GRIP1: variants seen among roughly 807,000 people sequenced by gnomAD.
GRIP1 encodes glutamate receptor-interacting protein 1.
GRIP1 carries 45 observed loss-of-function variants against 129.9 expected under a neutral mutation model. The ratio of observed to expected loss-of-function variants is 0.35; its 90% CI spans 0.27 to 0.44. The LOEUF (loss-of-function observed/expected upper bound fraction) is 0.44. GRIP1 is among the 20% of genes least tolerant of loss of function. The pLI is 1.00. For synonymous variants in GRIP1, 530 were observed against 520.8 expected (o/e 1.02, Z -0.24); for missense variants, 1,196 against 1,396.8 (o/e 0.86, Z 2.29).
intron 1 of GRIP1, among the ~76,000 whole-genome samples, chr12:66,700,929 G>T (rs1357488315): frequency 6.6e-6 from 1 of 152,094 alleles, no homozygotes; most frequent in Admixed American, 6.6e-5. Context: ...CTATGGGTCA[G>T]CCACTATGCT....
At chr12:66,467,653 C>T (rs2059324226) in intron 7 of GRIP1, among the ~76,000 whole-genome samples, 1 of 152,124 alleles carries the variant, frequency 6.6e-6, no homozygotes, top group Admixed American at 6.5e-5. Context: ...GTGGCTGAGC[C>T]CAGTGCACAC....
chr12:66,863,427 A>G (rs1334793536), intron 1 of GRIP1, among the ~76,000 whole-genome samples: 1 of 152,196 alleles, frequency 6.6e-6, no homozygotes, highest in Non-Finnish European at 1.5e-5. Context: ...AAGATAAAGC[A>G]AGGTAAGAAG....
intron 1 of GRIP1, among the ~76,000 whole-genome samples, chr12:67,028,018 C>G (rs1012001464): frequency 6.6e-6 from 1 of 152,196 alleles, no homozygotes; most frequent in African/African-American, 2.4e-5. Context: ...CATACATACT[C>G]ACCAGCTGAC....
chr12:66,922,961 G>GA (rs1441537528), intron 1 of GRIP1, among the ~76,000 whole-genome samples: 4 of 152,032 alleles, frequency 2.6e-5, no homozygotes, highest in African/African-American at 4.8e-5. Flanking sequence ...AAAATCCCTA[G>GA]AAAAAAATAT....
At chr12:66,605,623 C>A (rs1304650285) in intron 1 of GRIP1, among the ~76,000 whole-genome samples, 1 of 152,174 alleles carries the variant, frequency 6.6e-6, no homozygotes, top group Non-Finnish European at 1.5e-5. Flanking sequence ...TTAATGCTCT[C>A]ACCTGTTGCT....
At chr12:66,357,299 T>G (rs374222687) in intron 23 of GRIP1, among the ~76,000 whole-genome samples, 2 of 152,234 alleles carry the variant, frequency 1.3e-5, no homozygotes, top group East Asian at 1.9e-4. Flanking sequence ...CTTCCCCCTG[T>G]GCTGCTGATC....
chr12:66,678,069 G>A (rs1185245458), intron 1 of GRIP1, among the ~76,000 whole-genome samples: 1 of 151,934 alleles, frequency 6.6e-6, no homozygotes, highest in Non-Finnish European at 1.5e-5. Flanking sequence ...ATATCTATAT[G>A]GACACAAGGC....
chr12:66,424,831 T>TC (rs2057928100), intron 14 of GRIP1, among the ~76,000 whole-genome samples: 1 of 152,210 alleles, frequency 6.6e-6, no homozygotes, highest in African/African-American at 2.4e-5. Flanking sequence ...GTGTCAAATC[T>TC]TATCAGGAAT....
chr12:66,406,684 C>G (rs931851649), intron 15 of GRIP1, among the ~76,000 whole-genome samples: 1 of 152,154 alleles, frequency 6.6e-6, no homozygotes, highest in South Asian at 2.1e-4. Context: ...ATATGTGTCA[C>G]TCAGGAAGCA....
chr12:66,847,642 G>A (rs2039841639), intron 1 of GRIP1, among the ~76,000 whole-genome samples: 1 of 152,116 alleles, frequency 6.6e-6, no homozygotes, highest in Non-Finnish European at 1.5e-5. Flanking sequence ...AGGTAGACAT[G>A]TTAAAATTTG....
At chr12:66,646,439 CA>C (rs1238856259) in intron 1 of GRIP1, among the ~76,000 whole-genome samples, 1 of 152,128 alleles carries the variant, frequency 6.6e-6, no homozygotes, top group Non-Finnish European at 1.5e-5. Flanking sequence ...GCCTGGCCAA[CA>C]TGGCAAAACT....
At chr12:66,755,908 G>A (rs1019515540) in intron 1 of GRIP1, among the ~76,000 whole-genome samples, 1 of 152,110 alleles carries the variant, frequency 6.6e-6, no homozygotes, top group African/African-American at 2.4e-5. Flanking sequence ...TGTGGCAAGT[G>A]GGTGCAGCTG....
chr12:66,690,545 G>C (rs2034945233), intron 1 of GRIP1, among the ~76,000 whole-genome samples: 1 of 151,304 alleles, frequency 6.6e-6, no homozygotes, highest in Non-Finnish European at 1.5e-5. Context: ...ACCCGCAAGT[G>C]GGATTACTGG....
At chr12:66,533,887 A>ATTCTCTCTCT (rs1555202416) in intron 4 of GRIP1, among the ~76,000 whole-genome samples, 2 of 147,938 alleles carry the variant, frequency 1.4e-5, no homozygotes, top group Non-Finnish European at 3.0e-5. Flanking sequence ...ACATACACAC[A>ATTCTCTCTCT]CTCTCTCTCT....
chr12:66,645,384 T>C (rs1029353469), intron 1 of GRIP1, among the ~76,000 whole-genome samples: 1 of 151,970 alleles, frequency 6.6e-6, no homozygotes. Flanking sequence ...GAGGACCTTA[T>C]ACATGCAACA....
At chr12:66,697,913 A>G (rs1039070720) in intron 1 of GRIP1, among the ~76,000 whole-genome samples, 7 of 152,256 alleles carry the variant, frequency 4.6e-5, no homozygotes, top group African/African-American at 1.7e-4. Context: ...TGCAACAAGA[A>G]TAAAAGCTTA....
At chr12:66,998,318 A>G (rs2042499946) in intron 1 of GRIP1, among the ~76,000 whole-genome samples, 1 of 152,192 alleles carries the variant, frequency 6.6e-6, no homozygotes, top group South Asian at 2.1e-4. Flanking sequence ...TCTTGGCCAA[A>G]TAATTTCATA....
rs187793563 is a variant in GRIP1, at chr12:66,562,138, G to A, written c.137-20188C>T. ...ACAAAATAAAACAAAAGAATACGCT[G>A]TCAATCAAATTACAACATAATGCTT... is the stretch of plus-strand genomic sequence containing the variant. On this transcript the variant is annotated intron_variant, in intron 2 of 24. Transcript: ENST00000359742. Among the ~76,000 whole-genome samples, 637 of 152,152 alleles carry A rather than the reference G, an allele frequency of 4.2e-3. 1 individual carries two copies. The highest frequency in any genetic ancestry group is 4.8e-3 in the Non-Finnish European group (323 of 67,994).
chr12:66,452,112 G>A (rs1292756447), intron 11 of GRIP1, among the ~76,000 whole-genome samples: 1 of 152,330 alleles, frequency 6.6e-6, no homozygotes, highest in East Asian at 1.9e-4. Context: ...GGAAGAGACG[G>A]AGTCTCTACA....
Sources: gnomAD v4.1 joint callset for allele counts (sites outside exome capture counted in the v4.1 genomes callset) on GRCh38, gnomAD v4.1.1 for gene constraint, MANE v1.5 for transcripts, NCBI Gene and HGNC (gene_info 2026-07-23, HGNC 2026-07-21) for gene names.